Variants in CYRIB observed in about 807,000 individuals in gnomAD.
The protein encoded by CYRIB is CYFIP-related Rac1 interactor B.
In CYRIB, 8 loss-of-function variants were observed where a neutral mutation model predicts 44.2. The observed-to-expected ratio is 0.18, with a 90% CI of 0.11 to 0.33. The LOEUF (loss-of-function observed/expected upper bound fraction) is 0.33. Among genes scored for constraint, CYRIB ranks in the 10% least tolerant of loss-of-function variants. The probability of loss-of-function intolerance (pLI) is 1.00; values close to 1 mark genes in which losing one functional copy is unlikely to be tolerated. For missense variants in CYRIB, 185 were observed against 382.8 expected (o/e 0.48, Z 4.31); for synonymous variants, 131 against 127.2 (o/e 1.03, Z -0.20).
chr8:129,932,284 T>A (rs2091736392), intron 1 of CYRIB, among the ~76,000 whole-genome samples: 1 of 152,200 alleles, frequency 6.6e-6, no homozygotes, highest in Admixed American at 6.5e-5. Context: ...AGAGAGTATC[T>A]TTTCAAGAAT....
chr8:129,962,067 T>C (rs1008168955), intron 2 of CYRIB, among the ~76,000 whole-genome samples: 3 of 151,992 alleles, frequency 2.0e-5, no homozygotes, highest in East Asian at 1.9e-4. Flanking sequence ...CTGAGCAACA[T>C]GGGAGACCCC....
chr8:129,881,442 C>T (rs2060772034), intron 2 of CYRIB, among the ~76,000 whole-genome samples: 1 of 152,214 alleles, frequency 6.6e-6, no homozygotes, highest in South Asian at 2.1e-4. Context: ...CACTCACTCT[C>T]ATTATAAGAA....
At chr8:130,012,413 G>A (rs1343931163) in intron 1 of CYRIB, among the ~76,000 whole-genome samples, 2 of 152,228 alleles carry the variant, frequency 1.3e-5, no homozygotes, top group South Asian at 4.1e-4. Flanking sequence ...TATTCCCAAA[G>A]GAAACTGAAG....
At chr8:129,877,663 G>GTGT (rs3222125) in intron 3 of CYRIB, among the ~76,000 whole-genome samples, 2,709 of 130,344 alleles carry the variant, frequency 0.021, 51 homozygotes, top group African/African-American at 0.052. Context: ...AAAAAAAAAA[G>GTGT]GTGTGTGTGT....
chr8:129,859,435 G>A (rs1204818933), intron 5 of CYRIB, among the ~76,000 whole-genome samples: 2 of 152,144 alleles, frequency 1.3e-5, no homozygotes, highest in Non-Finnish European at 2.9e-5. Flanking sequence ...CCCTCCACAG[G>A]AGGTGGAGGA....
upstream of CYRIB, among the ~76,000 whole-genome samples, chr8:129,942,618 G>T (rs2093795321): frequency 6.6e-6 from 1 of 152,100 alleles, no homozygotes; most frequent in African/African-American, 2.4e-5. Flanking sequence ...AGCTTTCAAA[G>T]ACTTATGTTG....
chr8:129,996,519 G>A (rs572645657), intron 1 of CYRIB, among the ~76,000 whole-genome samples: 3 of 152,322 alleles, frequency 2.0e-5, no homozygotes, highest in South Asian at 4.1e-4. Context: ...CAGAAGCCAA[G>A]TGGGAAAGGG....
At chr8:129,905,204 T>C (rs546571149) in intron 1 of CYRIB, among the ~76,000 whole-genome samples, 8 of 150,462 alleles carry the variant, frequency 5.3e-5, no homozygotes, top group South Asian at 4.3e-4. Flanking sequence ...CCAGGCTGGA[T>C]TGATTGATTG....
At chr8:129,872,331 T>TA (rs1292117652) in intron 3 of CYRIB, among the ~76,000 whole-genome samples, 3 of 152,152 alleles carry the variant, frequency 2.0e-5, no homozygotes. Context: ...ATTACAGTTA[T>TA]AAAAAGCAGA....
In CYRIB at chr8:129,854,174, A is replaced by G. The variant is rs2044858204; in HGVS notation, c.516+92T>C. On this transcript the variant is annotated intron_variant, in intron 7 of 11. Transcript: ENST00000519824. ...ATTACTAACTTTATTACTAGCTTTAACACTATCTGAATGAACAAACAAAAT... is the reference window on the plus strand; with the variant it reads ...ATTACTAACTTTATTACTAGCTTTAGCACTATCTGAATGAACAAACAAAAT... The G allele has an allele frequency of 5.9e-6, 6 of 1,009,142 alleles. No individual in the cohort carries two copies. The Admixed American group carries it at 1.3e-4, about 21-fold the overall frequency. The allele number at this position is 1,009,142 out of a possible 1,614,324, so 62.5% of individuals were successfully genotyped here. A position where few individuals can be genotyped will look rare whatever the true frequency, so the allele number is the denominator to read the frequency against.
At chr8:129,973,717 T>C (rs2132302056) in intron 1 of CYRIB, among the ~76,000 whole-genome samples, 1 of 152,298 alleles carries the variant, frequency 6.6e-6, no homozygotes, top group Non-Finnish European at 1.5e-5. Flanking sequence ...TCCCAGCTAC[T>C]CTAGGGGCTG....
intron 1 of CYRIB, among the ~76,000 whole-genome samples, chr8:129,979,321 C>T (rs2096106384): frequency 1.3e-5 from 2 of 152,104 alleles, no homozygotes; most frequent in Non-Finnish European, 2.9e-5. Flanking sequence ...GGGTCCACTA[C>T]AAGTTTACAA....
At chr8:129,942,468 C>T (rs1268245533), upstream of CYRIB, among the ~76,000 whole-genome samples, 1 of 152,228 alleles carries the variant, frequency 6.6e-6, no homozygotes, top group South Asian at 2.1e-4. Context: ...GTAAGTTCTT[C>T]CATTACCCCA....
intron 1 of CYRIB, among the ~76,000 whole-genome samples, chr8:130,010,126 G>A (rs1389157644): frequency 1.3e-5 from 2 of 152,308 alleles, no homozygotes; most frequent in Non-Finnish European, 2.9e-5. Context: ...GACAGAAAGA[G>A]GATTAGTCTC....
chr8:129,876,690 T>G lies in CYRIB; in HGVS notation c.73+2699A>C, dbSNP rs150944513. On this transcript the variant is annotated intron_variant, in intron 3 of 11. Transcript: ENST00000519824. ...TAATATGATACAAATAGCGAGGTAA[T>G]CTGCATGAATTATTTCTGTAGTCAC... Among the ~76,000 whole-genome samples the G allele has an allele frequency of 4.6e-4, 70 of 150,542 alleles. No individual in the cohort carries two copies. In the South Asian group the frequency reaches 0.01, roughly 22 times the overall value.
rs187613279 is a variant in CYRIB at position 129,903,211 on chromosome 8, G to A, written c.-11+101C>T. 1,419 of 152,356 alleles carry A rather than the reference G, an allele frequency of 9.3e-3. 27 individuals are homozygous for A. Among genetic ancestry groups the A allele is most frequent in the Non-Finnish European group, 0.01 (711 of 67,972 alleles). 9.4% of individuals were successfully genotyped at this position (152,356 alleles called of 1,614,324 possible). A position where few individuals can be genotyped will look rare whatever the true frequency, so the allele number is the denominator to read the frequency against. On this transcript the variant is annotated intron_variant, in intron 2 of 11. Coordinates refer to ENST00000519824, the Ensembl canonical transcript of CYRIB. ...TTTTAGCAACTCAATATTGTGTATA[G>A]AACATTTCCCTTAAATTATATATAG...
chr8:129,846,083 G>C (rs1476706334), intron 11 of CYRIB, among the ~76,000 whole-genome samples: 1 of 152,232 alleles, frequency 6.6e-6, no homozygotes, highest in Non-Finnish European at 1.5e-5. Context: ...AATAAGCCAA[G>C]ATTGTGCCAC....
chr8:129,854,147 T>C (rs1219752638), intron 7 of CYRIB, 119 bp downstream of exon 9: 9 of 795,090 alleles, frequency 1.1e-5, no homozygotes, highest in African/African-American at 1.8e-5. Context: ...TGGCTGCCCA[T>C]AATTACTAAC....
chr8:129,886,899 T>C lies in CYRIB; in HGVS notation c.-10-7428A>G, dbSNP rs149000052. Among the ~76,000 whole-genome samples the C allele has an allele frequency of 4.6e-4, 70 of 152,180 alleles. No homozygotes were observed. In the South Asian group the frequency reaches 0.01, roughly 22 times the overall value. ...TCCAACCCAGCCTCCTCCTACAATC[T>C]CTTCCACATATAAGAGGCAAAGCAC... On this transcript the variant is annotated intron_variant, in intron 2 of 11. Coordinates refer to ENST00000519824, the Ensembl canonical transcript of CYRIB.
Sources: allele counts gnomAD v4.1 joint callset (sites outside exome capture counted in the v4.1 genomes callset), GRCh38; gene constraint gnomAD v4.1.1; transcripts MANE v1.5; gene names NCBI Gene and HGNC (gene_info 2026-07-23, HGNC 2026-07-21).